Variants in CNTNAP2 observed in about 807,000 individuals in gnomAD.
CNTNAP2 encodes the protein contactin-associated protein-like 2.
A neutral mutation model predicts 155.2 loss-of-function variants in CNTNAP2; 98 were observed. The ratio of observed to expected loss-of-function variants is 0.63; its 90% CI spans 0.54 to 0.75. The LOEUF (loss-of-function observed/expected upper bound fraction) is 0.75, where lower values mean the gene tolerates loss of function less well. CNTNAP2 is among the 30% of genes least tolerant of loss of function. CNTNAP2 has a pLI of 0.00. For missense variants in CNTNAP2, 1,727 were observed against 1,688.1 expected (o/e 1.02, Z -0.40); for synonymous variants, 651 against 631.2 (o/e 1.03, Z -0.47).
At chr7:146,724,681 C>G (rs1332088033) in intron 1 of CNTNAP2, among the ~76,000 whole-genome samples, 1 of 148,890 alleles carries the variant, frequency 6.7e-6, no homozygotes, top group African/African-American at 2.5e-5. Context: ...AGCAATTCTC[C>G]TGTCTCAGCC....
intron 1 of CNTNAP2, among the ~76,000 whole-genome samples, chr7:146,234,741 A>T (rs1373023247): frequency 1.3e-5 from 2 of 152,170 alleles, no homozygotes; most frequent in African/African-American, 2.4e-5. Context: ...ATTATCTTTG[A>T]ACTGAAAATT....
chr7:147,363,543 T>A (rs1450956035), intron 9 of CNTNAP2, among the ~76,000 whole-genome samples: 2 of 152,186 alleles, frequency 1.3e-5, no homozygotes, highest in Non-Finnish European at 2.9e-5. Flanking sequence ...TTTTTAAAAA[T>A]GTTCTCTTTA....
rs528581027 is a variant in CNTNAP2 at position 147,250,521 on chromosome 7, C to T, written c.1349-49620C>T. ...TCTCCCACTTACATAATCATTGCCCCTTATCCACTAAGCACCCCCCACCCC... is the reference window on the plus strand; with the variant it reads ...TCTCCCACTTACATAATCATTGCCCTTTATCCACTAAGCACCCCCCACCCC... On this transcript the variant is annotated intron_variant, in intron 8 of 23. Coordinates refer to ENST00000361727, the MANE Select transcript of CNTNAP2 (RefSeq NM_014141.6). Among the ~76,000 whole-genome samples, 218 of 152,152 alleles carry T rather than the reference C, an allele frequency of 1.4e-3. 5 individuals carry two copies. The Middle Eastern group carries it at 0.031, about 21-fold the overall frequency.
chr7:146,673,571 G>A (rs772730338), intron 1 of CNTNAP2, among the ~76,000 whole-genome samples: 2 of 152,032 alleles, frequency 1.3e-5, no homozygotes, highest in African/African-American at 2.4e-5. Flanking sequence ...ATCCCATTAC[G>A]ACAACCATAC....
At chr7:147,973,780 T>C (rs1025056061) in intron 14 of CNTNAP2, among the ~76,000 whole-genome samples, 1 of 152,170 alleles carries the variant, frequency 6.6e-6, no homozygotes, top group Admixed American at 6.5e-5. Flanking sequence ...AGACGAAAAG[T>C]CCAAGGAGGG....
intron 11 of CNTNAP2, among the ~76,000 whole-genome samples, chr7:147,560,167 T>TGAAAAAAAAAAAAAAAAAAAAAAAAAA (rs1259381016): frequency 6.9e-5 from 1 of 14,566 alleles, no homozygotes; most frequent in African/African-American, 3.5e-4. Context: ...AAACTCCGTC[T>TGAAAAAAAAAAAAAAAAAAAAAAAAAA]CAAAAAAAAA....
At chr7:148,369,487 C>T (rs1000930005) in intron 21 of CNTNAP2, among the ~76,000 whole-genome samples, 1 of 151,772 alleles carries the variant, frequency 6.6e-6, no homozygotes, top group East Asian at 1.9e-4. Context: ...TCAAGTGATC[C>T]AAAGTGCTGG....
intron 3 of CNTNAP2, among the ~76,000 whole-genome samples, chr7:146,902,772 A>G (rs996772356): frequency 3.3e-5 from 5 of 152,160 alleles, no homozygotes; most frequent in African/African-American, 4.8e-5. Context: ...ATCCCCACCA[A>G]TAAAGTAGCT....
intron 4 of CNTNAP2, among the ~76,000 whole-genome samples, chr7:147,078,560 T>C (rs912304067): frequency 3.9e-5 from 6 of 152,104 alleles, no homozygotes; most frequent in African/African-American, 4.8e-5. Context: ...TCTTTATCTC[T>C]TAACAGACCT....
At chr7:146,831,551 C>A (rs1411672840) in intron 2 of CNTNAP2, among the ~76,000 whole-genome samples, 1 of 151,618 alleles carries the variant, frequency 6.6e-6, no homozygotes, top group Non-Finnish European at 1.5e-5. Context: ...TGGCATGTGC[C>A]TGTAATCCCA....
chr7:147,507,550 C>CT (rs3052511), intron 11 of CNTNAP2, among the ~76,000 whole-genome samples: 9,835 of 81,626 alleles, frequency 0.12, 538 homozygotes, highest in African/African-American at 0.17. Flanking sequence ...CTCTTTCTTT[C>CT]TTTTTTTTTT....
chr7:146,135,150 A>G (rs1351640964), intron 1 of CNTNAP2, among the ~76,000 whole-genome samples: 1 of 152,180 alleles, frequency 6.6e-6, no homozygotes, highest in Non-Finnish European at 1.5e-5. Flanking sequence ...CTTTGAATCT[A>G]TAATGAAAGA....
chr7:147,719,734 C>A (rs548234247), intron 13 of CNTNAP2, among the ~76,000 whole-genome samples: 1 of 152,026 alleles, frequency 6.6e-6, no homozygotes, highest in Non-Finnish European at 1.5e-5. Flanking sequence ...AATACTTAAC[C>A]ATGCTGTAAT....
intron 1 of CNTNAP2, among the ~76,000 whole-genome samples, chr7:146,502,739 A>G (rs1797324007): frequency 1.3e-5 from 2 of 151,992 alleles, no homozygotes; most frequent in Non-Finnish European, 2.9e-5. Flanking sequence ...AGCCTCCCAA[A>G]TAGCTGAGGC....
At chr7:147,802,226 G>A (rs1798009685) in intron 13 of CNTNAP2, among the ~76,000 whole-genome samples, 1 of 150,020 alleles carries the variant, frequency 6.7e-6, no homozygotes, top group Admixed American at 6.7e-5. Context: ...TGGGCGGCCG[G>A]GAAGAGACGC....
chr7:147,740,178 G>T (rs58710526), intron 13 of CNTNAP2, among the ~76,000 whole-genome samples: 1 of 152,164 alleles, frequency 6.6e-6, no homozygotes, highest in Non-Finnish European at 1.5e-5. Flanking sequence ...TTATTGCTTC[G>T]CAGGTTAAAA....
intron 18 of CNTNAP2, among the ~76,000 whole-genome samples, chr7:148,195,010 CAT>C (rs1248554420): frequency 1.3e-5 from 2 of 152,204 alleles, no homozygotes; most frequent in Admixed American, 1.3e-4. Flanking sequence ...ACTCACTGAG[CAT>C]ATATATGATC....
intron 11 of CNTNAP2, among the ~76,000 whole-genome samples, chr7:147,506,165 C>G (rs1798902330): frequency 6.6e-6 from 1 of 152,164 alleles, no homozygotes; most frequent in Admixed American, 6.5e-5. Flanking sequence ...GCACTAGGAC[C>G]ATTCTAAGAC....
chr7:148,099,860 T>A (rs1804058519), intron 15 of CNTNAP2, among the ~76,000 whole-genome samples: 1 of 143,100 alleles, frequency 7.0e-6, no homozygotes, highest in South Asian at 2.2e-4. Flanking sequence ...CCTCCTTTTT[T>A]TTTTTTGGTT....
Sources: allele counts gnomAD v4.1 joint callset (sites outside exome capture counted in the v4.1 genomes callset), GRCh38; gene constraint gnomAD v4.1.1; transcripts MANE v1.5; gene names NCBI Gene and HGNC (gene_info 2026-07-23, HGNC 2026-07-21).